The following EFCAB9 variants were observed in gnomAD, a reference collection of about 807,000 sequenced individuals.
EFCAB9 encodes the protein EF-hand calcium-binding domain-containing protein 9.
Under a neutral mutation model 15.6 loss-of-function variants are expected in EFCAB9, and 16 were observed. The ratio of observed to expected loss-of-function variants is 1.03; its 90% confidence interval spans 0.69 to 1.56. The LOEUF (loss-of-function observed/expected upper bound fraction) is 1.56. EFCAB9 is among the 40% of genes most tolerant of loss of function. The pLI is 0.00. For synonymous variants in EFCAB9, 76 were observed against 85.4 expected, an observed-to-expected ratio of 0.89 and a Z score of 0.61; for missense variants, 208 against 235.4, an observed-to-expected ratio of 0.88 and a Z score of 0.76.
At chr5:172,201,236 G>A (rs570232892) in intron 3 of EFCAB9, among the ~76,000 whole-genome samples, 21 of 152,186 alleles carry the variant, frequency 1.4e-4, no homozygotes, top group Admixed American at 1.2e-3. Flanking sequence ...TCAGCCAGGC[G>A]CAGTGGCACA....
rs1771119929 is a variant in EFCAB9 at position 172,194,288 on chromosome 5, A to G, written c.116A>G (p.His39Arg). 2 of 1,537,844 alleles carry G rather than the reference A, an allele frequency of 1.3e-6. No individual in the cohort carries two copies. Among genetic ancestry groups the G allele is most frequent in the Admixed American group, 3.9e-5 (2 of 50,978 alleles). ...LAEYFHILDV[H>R]GKNTLNDVLF... is the part of the protein sequence containing the mutation. ...GAATATTTTCATATTCTGGACGTGCACGGCAAGAACACCTTGAATGGTCAG... is the reference window on the plus strand; with the variant it reads ...GAATATTTTCATATTCTGGACGTGCGCGGCAAGAACACCTTGAATGGTCAG... Residue 39 changes from histidine (H) to arginine (R), a missense_variant, in exon 1 of 4, where the codon CAC becomes CGC. By Grantham distance (29) the His-to-Arg change is conservative (BLOSUM62 0). Transcript: ENST00000398186.
intron 3 of EFCAB9, among the ~76,000 whole-genome samples, chr5:172,202,993 C>T (rs1299665455): frequency 1.3e-5 from 2 of 151,990 alleles, no homozygotes; most frequent in East Asian, 3.8e-4. Context: ...AGAGAGACTC[C>T]GTCTCAAAAA....
chr5:172,194,646 G>A (rs759084306), intron 1 of EFCAB9, among the ~76,000 whole-genome samples: 3 of 152,050 alleles, frequency 2.0e-5, no homozygotes, highest in Non-Finnish European at 4.4e-5. Context: ...TGATCCACCC[G>A]CCTCCGCCTC....
At chr5:172,198,611 A>G (rs1771199740) in intron 1 of EFCAB9, among the ~76,000 whole-genome samples, 1 of 152,156 alleles carries the variant, frequency 6.6e-6, no homozygotes, top group Non-Finnish European at 1.5e-5. Flanking sequence ...TAGACGGGGA[A>G]TGACTTTTGT....
chr5:172,196,205 G>T (rs1384082192), intron 1 of EFCAB9, among the ~76,000 whole-genome samples: 1 of 152,124 alleles, frequency 6.6e-6, no homozygotes, highest in Non-Finnish European at 1.5e-5. Flanking sequence ...ACATCACTGT[G>T]CATATATATG....
intron 1 of EFCAB9, among the ~76,000 whole-genome samples, chr5:172,194,604 G>A (rs1237588513): frequency 2.0e-5 from 3 of 152,056 alleles, no homozygotes; most frequent in Non-Finnish European, 4.4e-5. Flanking sequence ...AGACCATGTT[G>A]GCCAGGCTGG....
In EFCAB9 at chr5:172,198,735, C is replaced by G. The variant is rs936956259; in HGVS notation, c.137-648C>G. Among the ~76,000 whole-genome samples the G allele has an allele frequency of 1.1e-4, 16 of 152,148 alleles. No individual in the cohort carries two copies. The South Asian group carries it at 1.2e-3, about 12-fold the overall frequency. Reference sequence around the variant, plus strand: ...GGGTTCAAGCAATTCTCTGCCTCAGCCTTCCAAGTAGCTGGGACTACAGGT... The same window carrying G: ...GGGTTCAAGCAATTCTCTGCCTCAGGCTTCCAAGTAGCTGGGACTACAGGT... On this transcript the variant is annotated intron_variant, in intron 1 of 3. Transcript: ENST00000398186.
chr5:172,199,468 C>A lies in EFCAB9; in HGVS notation c.222C>A (p.Asn74Lys), dbSNP rs543065711. The part of the protein sequence containing the change: ...INIVFDMLDW[N>K]AVGEIDFEKF... The stretch of plus-strand genomic sequence containing the variant: ...TTGTGTTTGACATGCTGGACTGGAA[C>A]GCTGTGGGCGAGATCGACTTTGAGA... The change falls in exon 2 of 4, where the codon AAC becomes AAA. Residue 74 changes from asparagine to lysine, a missense_variant. Asn to Lys is a moderately conservative substitution (Grantham distance 94). Coordinates refer to ENST00000398186, the MANE Select transcript of EFCAB9 (RefSeq NM_001171183.2). 238 of 1,537,308 alleles carry A rather than the reference C, an allele frequency of 1.5e-4. 3 individuals are homozygous for A. In the South Asian group the frequency reaches 2.7e-3, roughly 17 times the overall value.
At chr5:172,200,883 G>A (rs1159933559) in intron 3 of EFCAB9, 141 bp downstream of exon 3, 4 of 846,458 alleles carry the variant, frequency 4.7e-6, no homozygotes, top group African/African-American at 3.5e-5. Flanking sequence ...CATGGCACAA[G>A]GATCAGAAAA....
At position 172,200,761 on chromosome 5, in the gene EFCAB9, T is replaced by C. The variant is rs1468648041; in HGVS notation, c.462+19T>C. 1 of 1,528,260 alleles carries C rather than the reference T, an allele frequency of 6.5e-7. No homozygotes were observed. The highest frequency in any genetic ancestry group is 2.0e-5 in the Admixed American group (1 of 50,028). 94.7% of individuals were successfully genotyped at this position (1,528,260 alleles called of 1,614,324 possible). ...TGACAATGTAAGTACAGATCCAAAA[T>C]GTGGCATGTGTGTGGCAGTCTCTTC... On this transcript the variant is annotated intron_variant, in intron 3 of 3. Coordinates refer to ENST00000398186, the MANE Select transcript of EFCAB9 (RefSeq NM_001171183.2).
chr5:172,203,420 C>A lies in EFCAB9; in HGVS notation c.*75C>A. On this transcript the variant is annotated 3_prime_UTR_variant, in exon 4 of 4. Coordinates refer to ENST00000398186, the MANE Select transcript of EFCAB9 (RefSeq NM_001171183.2). ...CATGAACATTGATGAAGACTGTTAA[C>A]ATGTCTAAAAATAAATTCAGAGCAT... is the stretch of plus-strand genomic sequence containing the variant. 1 of 1,442,102 alleles carries A rather than the reference C, an allele frequency of 6.9e-7. No homozygotes were observed. The highest frequency in any genetic ancestry group is 9.1e-7 in the Non-Finnish European group (1 of 1,100,120). 89.3% of individuals were successfully genotyped at this position (1,442,102 alleles called of 1,614,324 possible). A position where few individuals can be genotyped will look rare whatever the true frequency, so the allele number is the denominator to read the frequency against.
Position 172,203,317 on chromosome 5 carries a change from GTC to G in EFCAB9, c.570_571del (p.Tyr191LeufsTer11). 6.5e-7 allele frequency: 1 copy of G among 1,534,018 alleles called. No individual in the cohort carries two copies. Among genetic ancestry groups the G allele is most frequent in the South Asian group, 1.2e-5 (1 of 83,624 alleles). On this transcript the variant is annotated frameshift_variant, in exon 4 of 4. Coordinates refer to ENST00000398186, the MANE Select transcript of EFCAB9 (RefSeq NM_001171183.2). LOFTEE classifies it low-confidence loss of function (END_TRUNC). ...AAAGAAAAAGGAGAGAGAAAGAGAA[GTC>G]TCTACTCAAAATGTCACATCAAGTA...
chr5:172,195,171 A>AATAG (rs1771138084), intron 1 of EFCAB9, among the ~76,000 whole-genome samples: 2 of 146,018 alleles, frequency 1.4e-5, no homozygotes, highest in Non-Finnish European at 3.0e-5. Flanking sequence ...TAAATAAATA[A>AATAG]ATAAATAAAT....
Position 172,203,378 on chromosome 5 carries a change from G to A in EFCAB9, c.*33G>A. On this transcript the variant is annotated 3_prime_UTR_variant, in exon 4 of 4. Coordinates refer to ENST00000398186, the MANE Select transcript of EFCAB9 (RefSeq NM_001171183.2). ...CTGAAAGAGTCTTGGAAAAAAATGG[G>A]ATCTGAAAGTACAGAACATGAACAT... 6.6e-7 allele frequency: 1 copy of A among 1,518,452 alleles called. No individual in the cohort carries two copies. Among genetic ancestry groups the A allele is most frequent in the Non-Finnish European group, 8.8e-7 (1 of 1,141,196 alleles). The allele number at this position is 1,518,452 out of a possible 1,614,324, so 94.1% of individuals were successfully genotyped here.
chr5:172,203,103 T>A, intron 3 of EFCAB9, 111 bp from the exon 4 acceptor site: 1 of 1,052,976 alleles, frequency 9.5e-7, no homozygotes, highest in Admixed American at 2.9e-5. Flanking sequence ...TTACTGAGTG[T>A]CTTTAATTTT....
chr5:172,200,910 T>C lies in EFCAB9; in HGVS notation c.462+168T>C, dbSNP rs531676173. On this transcript the variant is annotated intron_variant, in intron 3 of 3. Transcript: ENST00000398186. ...ATCAGAAAAAAACTTAAGAGACTTA[T>C]GGGATCTTGAAGAGAAAGGGTGGAC... is the stretch of plus-strand genomic sequence containing the variant. Among the ~76,000 whole-genome samples the C allele has an allele frequency of 5.3e-5, 8 of 152,126 alleles. No homozygotes were observed. In the South Asian group the frequency reaches 1.2e-3, roughly 24 times the overall value.
intron 2 of EFCAB9, 64 bp downstream of exon 2, chr5:172,199,595 A>G: frequency 8.0e-6 from 12 of 1,508,384 alleles, no homozygotes; most frequent in Non-Finnish European, 1.1e-5. Flanking sequence ...GGAATGCATC[A>G]GAAGTTTTCC....
chr5:172,203,187 T>C, intron 3 of EFCAB9, 27 bp from the exon 4 acceptor site: 1 of 1,430,782 alleles, frequency 7.0e-7, no homozygotes, highest in Non-Finnish European at 9.1e-7. Context: ...TGAAATAATT[T>C]TTCTTTCCCC....
intron 1 of EFCAB9, among the ~76,000 whole-genome samples, chr5:172,194,792 T>G (rs1771130447): frequency 6.6e-6 from 1 of 152,112 alleles, no homozygotes; most frequent in Admixed American, 6.6e-5. Flanking sequence ...AGGAGAAAAT[T>G]GCAGACTCTG....
Sources: allele counts gnomAD v4.1 joint callset (sites outside exome capture counted in the v4.1 genomes callset), GRCh38; gene constraint gnomAD v4.1.1; transcripts MANE v1.5; gene names NCBI Gene and HGNC (gene_info 2026-07-23, HGNC 2026-07-21).